SH3D19: variants seen among roughly 807,000 people sequenced by gnomAD.
SH3D19 encodes the protein SH3 domain containing 19.
A neutral mutation model predicts 112.1 loss-of-function variants in SH3D19; 58 were observed. The observed-to-expected ratio is 0.52, with a 90% CI of 0.42 to 0.64. The LOEUF is 0.64. Ranked by LOEUF, SH3D19 falls within the 30% of genes least tolerant of loss-of-function variation. The pLI is 0.00. For missense variants in SH3D19, 1,090 were observed against 1,263.4 expected, an observed-to-expected ratio of 0.86 and a Z score of 2.08; for synonymous variants, 391 against 448.5, an observed-to-expected ratio of 0.87 and a Z score of 1.62.
At chr4:151,148,757 C>A (rs11099784) in intron 10 of SH3D19, among the ~76,000 whole-genome samples, 1 of 152,006 alleles carries the variant, frequency 6.6e-6, no homozygotes, top group Non-Finnish European at 1.5e-5. Context: ...AAATAATTTT[C>A]GGCTGGGAGT....
At chr4:151,184,538 A>G (rs1761443672) in intron 3 of SH3D19, among the ~76,000 whole-genome samples, 1 of 152,182 alleles carries the variant, frequency 6.6e-6, no homozygotes, top group Non-Finnish European at 1.5e-5. Context: ...AACCAAAAAA[A>G]CACCAGCTAC....
rs527425468 is a variant in SH3D19, at chr4:151,256,521, C to T, written c.113-30435G>A. Among the ~76,000 whole-genome samples, 5 of 152,250 alleles carry T rather than the reference C, an allele frequency of 3.3e-5. No individual in the cohort carries two copies. In the South Asian group the frequency reaches 6.2e-4, roughly 19 times the overall value. On this transcript the variant is annotated intron_variant, in intron 1 of 19. Coordinates refer to ENST00000604030, the MANE Select transcript of SH3D19 (RefSeq NM_001378122.1). ...AATCATGATTCAAAATGATGGTGTT[C>T]GCATTCATTGAGAGACAATATAAAA...
At chr4:151,132,307 T>C (rs1350735676) in intron 17 of SH3D19, 24 bp downstream of exon 17, 6 of 1,609,382 alleles carry the variant, frequency 3.7e-6, no homozygotes, top group East Asian at 2.2e-5. Flanking sequence ...GCTGTCACTA[T>C]AGTCATCTGT....
chr4:151,294,772 A>C (rs1775585290), intron 1 of SH3D19, among the ~76,000 whole-genome samples: 1 of 152,248 alleles, frequency 6.6e-6, no homozygotes, highest in African/African-American at 2.4e-5. Flanking sequence ...ACAGACAATA[A>C]CCAAATGCAA....
At chr4:151,147,883 C>T (rs1223646792) in intron 11 of SH3D19, 39 bp downstream of exon 11, 6 of 1,554,044 alleles carry the variant, frequency 3.9e-6, no homozygotes, top group Non-Finnish European at 5.2e-6. Flanking sequence ...CTTTAGGGCA[C>T]ACCTCTTGAC....
At chr4:151,272,608 A>G (rs1240955654) in intron 1 of SH3D19, among the ~76,000 whole-genome samples, 1 of 152,168 alleles carries the variant, frequency 6.6e-6, no homozygotes, top group Non-Finnish European at 1.5e-5. Flanking sequence ...CCTTCACAAC[A>G]TGGACTTACA....
intron 10 of SH3D19, 68 bp from the exon 11 acceptor site, chr4:151,148,254 T>TACACACACACACACACACAC: frequency 1.0e-6 from 1 of 982,792 alleles, no homozygotes; most frequent in Non-Finnish European, 1.5e-6. Context: ...TGTCCTGTCT[T>TACACACACACACACACACAC]ACACACACAC....
At chr4:151,282,382 G>A in intron 1 of SH3D19, 1 of 1,613,888 alleles carries the variant, frequency 6.2e-7, no homozygotes, top group Non-Finnish European at 8.5e-7. Flanking sequence ...TTTGTTGGGT[G>A]ACCGGATGGG....
At chr4:151,141,872 C>T (rs929363742) in intron 12 of SH3D19, among the ~76,000 whole-genome samples, 1 of 152,130 alleles carries the variant, frequency 6.6e-6, no homozygotes, top group African/African-American at 2.4e-5. Context: ...TAAACCAGTC[C>T]TTGGAGGGAG....
chr4:151,165,464 C>T lies in SH3D19; in HGVS notation c.1642+125G>A, dbSNP rs893831321. ...CGAAGAATTGTGAAAAAACAATTTG[C>T]TTTTAAATAGCTTTGACTATGAATG... On this transcript the variant is annotated intron_variant, in intron 8 of 19. Transcript: ENST00000604030. 1.1e-5 allele frequency: 8 copies of T among 730,348 alleles called. 1 individual carries two copies. Among genetic ancestry groups the T allele is most frequent in the Admixed American group, 6.3e-5 (2 of 31,540 alleles). 45.2% of individuals were successfully genotyped at this position (730,348 alleles called of 1,614,324 possible).
intron 7 of SH3D19, among the ~76,000 whole-genome samples, chr4:151,171,945 G>A (rs1429903819): frequency 2.6e-5 from 4 of 152,076 alleles, no homozygotes; most frequent in Non-Finnish European, 5.9e-5. Context: ...TGTTTTATGA[G>A]TTTTTATTTA....
chr4:151,189,531 T>C (rs950189674), intron 2 of SH3D19, among the ~76,000 whole-genome samples: 11 of 152,056 alleles, frequency 7.2e-5, no homozygotes, highest in African/African-American at 1.7e-4. Flanking sequence ...TTGGAGGTGA[T>C]TGAATTATGG....
At chr4:151,185,986 GACAAGATCGCGCC>G (rs551653968) in intron 3 of SH3D19, among the ~76,000 whole-genome samples, 67 of 152,134 alleles carry the variant, frequency 4.4e-4, no homozygotes, top group Non-Finnish European at 8.4e-4. Flanking sequence ...GTAGCAACGA[GACAAGATCGCGCC>G]ACTGCAGTCC....
intron 1 of SH3D19, among the ~76,000 whole-genome samples, chr4:151,250,824 T>A (rs1771320273): frequency 6.6e-6 from 1 of 152,206 alleles, no homozygotes. Context: ...TCTCCCAGCA[T>A]GCTTTTGTGA....
intron 2 of SH3D19, among the ~76,000 whole-genome samples, chr4:151,203,076 G>A (rs932396842): frequency 2.0e-5 from 3 of 152,146 alleles, no homozygotes; most frequent in Admixed American, 2.0e-4. Flanking sequence ...GTGGGGTTAG[G>A]ATCTAAGACT....
At chr4:151,171,491 T>C (rs1402559591) in intron 7 of SH3D19, among the ~76,000 whole-genome samples, 2 of 152,196 alleles carry the variant, frequency 1.3e-5, no homozygotes, top group Non-Finnish European at 2.9e-5. Flanking sequence ...TTTTGTCTAC[T>C]TGTATTTGCA....
intron 1 of SH3D19, among the ~76,000 whole-genome samples, chr4:151,299,940 G>A (rs1004758027): frequency 6.6e-6 from 1 of 152,166 alleles, no homozygotes; most frequent in Non-Finnish European, 1.5e-5. Context: ...GGTGGCTCAC[G>A]CCTGTAATCC....
In SH3D19 at chr4:151,153,583, T is replaced by C. The variant is rs547846802; in HGVS notation, c.1756-4022A>G. ...GTCTTTATGGCCTCTGTTTCAAAAT[T>C]CATTCAGTAATTGTAATTTTTTTTA... On this transcript the variant is annotated intron_variant, in intron 9 of 19. Coordinates refer to ENST00000604030, the MANE Select transcript of SH3D19 (RefSeq NM_001378122.1). 3.9e-5 allele frequency among the ~76,000 whole-genome samples: 6 copies of C among 152,216 alleles called. 1 individual carries two copies. In the South Asian group the frequency reaches 1.2e-3, roughly 32 times the overall value.
intron 14 of SH3D19, 22 bp downstream of exon 14, chr4:151,137,710 A>G (rs1752151417): frequency 1.3e-6 from 2 of 1,565,020 alleles, no homozygotes; most frequent in East Asian, 4.7e-5. Flanking sequence ...TGACCAAATT[A>G]AAACAAACAC....
Sources: allele counts gnomAD v4.1 joint callset (sites outside exome capture counted in the v4.1 genomes callset), GRCh38; gene constraint gnomAD v4.1.1; transcripts MANE v1.5; gene names NCBI Gene and HGNC (gene_info 2026-07-23, HGNC 2026-07-21).